Variants in SBF2 observed in about 807,000 individuals in gnomAD.
The protein encoded by SBF2 is SET binding factor 2.
In SBF2, 112 loss-of-function variants were observed where a neutral mutation model predicts 225.2. The ratio of observed to expected loss-of-function variants is 0.50; its 90% confidence interval spans 0.43 to 0.58. The LOEUF (loss-of-function observed/expected upper bound fraction) is 0.58, where lower values mean the gene tolerates loss of function less well. SBF2 is among the 20% of genes least tolerant of loss of function. The pLI is 0.00. For missense variants in SBF2, 1,996 were observed against 2,206.2 expected (o/e 0.90, Z 1.91); for synonymous variants, 763 against 773.3 (o/e 0.99, Z 0.22).
intron 17 of SBF2, among the ~76,000 whole-genome samples, chr11:9,860,261 G>GTCT (rs1554929809): frequency 2.4e-5 from 3 of 127,412 alleles, no homozygotes; most frequent in Non-Finnish European, 4.9e-5. Context: ...TTTTGAAACA[G>GTCT]TTTTTTTTTT....
chr11:10,071,328 G>C (rs1380993598), intron 2 of SBF2, among the ~76,000 whole-genome samples: 1 of 147,182 alleles, frequency 6.8e-6, no homozygotes, highest in African/African-American at 2.5e-5. Context: ...GTGTGGTGGC[G>C]TGATCTGAGC....
Position 9,839,544 on chromosome 11 carries a change from A to G in SBF2, c.3409T>C (p.Tyr1137His). ...CTGTTGGAGGCAGTAATTCTAAAATACTCGGGTCTTGAACGGGAAGAGCTG... is the reference window on the plus strand; with the variant it reads ...CTGTTGGAGGCAGTAATTCTAAAATGCTCGGGTCTTGAACGGGAAGAGCTG... ...SGSSSRSRPE[Y>H]FRITASNRMY... The change falls in exon 26 of 40, where the codon TAT becomes CAT. Residue 1137 changes from tyrosine to histidine, a missense_variant. Tyr to His is a moderately conservative substitution (Grantham distance 83, BLOSUM62 2). Transcript: ENST00000256190. The G allele has an allele frequency of 6.2e-7, 1 of 1,614,138 alleles. No individual in the cohort carries two copies. Among genetic ancestry groups the G allele is most frequent in the South Asian group, 1.1e-5 (1 of 91,076 alleles).
intron 3 of SBF2, among the ~76,000 whole-genome samples, chr11:10,041,586 T>G (rs1172602228): frequency 6.6e-6 from 1 of 152,204 alleles, no homozygotes; most frequent in Non-Finnish European, 1.5e-5. Flanking sequence ...TCCTATAAAT[T>G]AGTAGTCTAG....
At chr11:10,270,992 C>A (rs1962441959) in intron 1 of SBF2, among the ~76,000 whole-genome samples, 1 of 60,916 alleles carries the variant, frequency 1.6e-5, no homozygotes, top group South Asian at 7.1e-4. Context: ...AAGACTCTGT[C>A]TCAAAAAAAA....
At chr11:9,936,867 T>C (rs1864936556) in intron 16 of SBF2, among the ~76,000 whole-genome samples, 1 of 152,130 alleles carries the variant, frequency 6.6e-6, no homozygotes, top group African/African-American at 2.4e-5. Flanking sequence ...AAGTTCATAG[T>C]TGCAGCAAAC....
At chr11:9,807,915 G>A (rs552715568) in intron 32 of SBF2, 85 bp downstream of exon 32, 32 of 1,195,168 alleles carry the variant, frequency 2.7e-5, no homozygotes, top group Admixed American at 1.1e-4. Flanking sequence ...GGAAGGTACC[G>A]GGCACACCAT....
At chr11:9,931,065 T>C (rs1394203803) in intron 16 of SBF2, among the ~76,000 whole-genome samples, 2 of 152,252 alleles carry the variant, frequency 1.3e-5, no homozygotes, top group African/African-American at 4.8e-5. Context: ...GCATCTGCCA[T>C]TGCTGCAGCT....
intron 1 of SBF2, among the ~76,000 whole-genome samples, chr11:10,268,432 T>C (rs1962191795): frequency 6.6e-6 from 1 of 152,198 alleles, no homozygotes; most frequent in South Asian, 2.1e-4. Flanking sequence ...ATCATGGTAT[T>C]AGTGAACCTT....
chr11:9,980,169 C>G (rs1212416872), intron 13 of SBF2, among the ~76,000 whole-genome samples: 2 of 151,236 alleles, frequency 1.3e-5, no homozygotes, highest in African/African-American at 4.9e-5. Flanking sequence ...TTAGTAGAGA[C>G]GGGATTTCAC....
At chr11:10,271,167 T>C (rs987494380) in intron 1 of SBF2, among the ~76,000 whole-genome samples, 15 of 151,744 alleles carry the variant, frequency 9.9e-5, no homozygotes, top group African/African-American at 3.1e-4. Context: ...GGAGTAGCAA[T>C]TGCAAAACCA....
At chr11:9,953,236 G>T (rs1865964203) in intron 16 of SBF2, among the ~76,000 whole-genome samples, 1 of 152,192 alleles carries the variant, frequency 6.6e-6, no homozygotes. Context: ...ACAAGGTCAG[G>T]AGTTCAAGAC....
intron 16 of SBF2, among the ~76,000 whole-genome samples, chr11:9,898,153 C>T (rs1162569752): frequency 6.6e-6 from 1 of 151,460 alleles, no homozygotes; most frequent in Non-Finnish European, 1.5e-5. Context: ...ACTACTGCTG[C>T]GGATGGGGAG....
At chr11:10,109,178 G>C (rs1444687971) in intron 2 of SBF2, among the ~76,000 whole-genome samples, 1 of 145,518 alleles carries the variant, frequency 6.9e-6, no homozygotes, top group African/African-American at 2.5e-5. Flanking sequence ...AAAGTTCAAA[G>C]GTATGTGTGT....
intron 2 of SBF2, among the ~76,000 whole-genome samples, chr11:10,069,709 G>A (rs1950787836): frequency 1.3e-5 from 2 of 152,120 alleles, no homozygotes; most frequent in Admixed American, 6.5e-5. Context: ...GGTATTTCTA[G>A]TTCTAGATCC....
chr11:9,961,919 T>G (rs1565064026), intron 16 of SBF2, 38 bp downstream of exon 16: 19 of 1,591,688 alleles, frequency 1.2e-5, no homozygotes, highest in Non-Finnish European at 1.5e-5. Flanking sequence ...AAAAGTATTC[T>G]CAAATAAGAG....
Position 10,203,782 on chromosome 11 carries a change from A to G in SBF2, c.56-9795T>C, listed in dbSNP as rs1957650607. ...CTAATGAATTAGACACTACAAGGAA[A>G]AAAAGGTTAATGGTTGTTATATGAT... On this transcript the variant is annotated intron_variant, in intron 1 of 39. Coordinates refer to ENST00000256190, the MANE Select transcript of SBF2 (RefSeq NM_030962.4). Among the ~76,000 whole-genome samples the G allele has an allele frequency of 2.7e-5, 4 of 148,264 alleles. No homozygotes were observed. In the South Asian group the frequency reaches 8.4e-4, roughly 31 times the overall value.
intron 1 of SBF2, among the ~76,000 whole-genome samples, chr11:10,300,394 A>G (rs1213329411): frequency 1.3e-5 from 2 of 152,186 alleles, no homozygotes; most frequent in Non-Finnish European, 2.9e-5. Context: ...GGCTGAGCAC[A>G]GTGGCTCATA....
chr11:9,959,111 C>T lies in SBF2; in HGVS notation c.1860+2846G>A, dbSNP rs888576482. 48 of 1,280,662 alleles carry T rather than the reference C, an allele frequency of 3.7e-5. 2 individuals are homozygous for T. The highest frequency in any genetic ancestry group is 3.4e-4 in the South Asian group (27 of 80,018). The allele number at this position is 1,280,662 out of a possible 1,614,324, so 79.3% of individuals were successfully genotyped here. ...TTAGGATCAAAGGTTGCTATCACTCCGAAGTCTTCACATACACGATGTAAG... is the reference window on the plus strand; with the variant it reads ...TTAGGATCAAAGGTTGCTATCACTCTGAAGTCTTCACATACACGATGTAAG... On this transcript the variant is annotated intron_variant, in intron 16 of 39. Transcript: ENST00000256190.
chr11:10,196,398 T>C (rs531856320), intron 1 of SBF2, among the ~76,000 whole-genome samples: 16 of 152,276 alleles, frequency 1.1e-4, no homozygotes, highest in African/African-American at 3.8e-4. Context: ...AATTATTTTT[T>C]GGACAGGGTC....
Sources: gnomAD v4.1 joint callset for allele counts (sites outside exome capture counted in the v4.1 genomes callset) on GRCh38, gnomAD v4.1.1 for gene constraint, MANE v1.5 for transcripts, NCBI Gene and HGNC (gene_info 2026-07-23, HGNC 2026-07-21) for gene names.